GPR39: variants seen among roughly 807,000 people sequenced by gnomAD.
GPR39 encodes G protein-coupled receptor 39.
GPR39 carries 23 observed loss-of-function variants against 18.4 expected under a neutral mutation model. The ratio of observed to expected loss-of-function variants is 1.25; its 90% CI spans 0.90 to 1.77. GPR39 has a LOEUF of 1.77. Ranked by LOEUF, GPR39 falls within the 40% of genes most tolerant of loss-of-function variation. GPR39 has a pLI of 0.00. For synonymous variants in GPR39, 280 were observed against 257.9 expected (o/e 1.09, Z -0.82); for missense variants, 647 against 602.4 (o/e 1.07, Z -0.78).
At chr2:132,632,551 G>C (rs1440719961) in intron 1 of GPR39, among the ~76,000 whole-genome samples, 1 of 152,174 alleles carries the variant, frequency 6.6e-6, no homozygotes, top group Non-Finnish European at 1.5e-5. Context: ...GGCTGGGGCT[G>C]TGTGTTTCGG....
chr2:132,593,214 T>A (rs989498958), intron 1 of GPR39, among the ~76,000 whole-genome samples: 1 of 152,180 alleles, frequency 6.6e-6, no homozygotes, highest in Non-Finnish European at 1.5e-5. Flanking sequence ...TAAGCTTCAG[T>A]GGCCAGTGTT....
chr2:132,523,906 A>C (rs1679466574), intron 1 of GPR39: 1 of 152,794 alleles, frequency 6.5e-6, no homozygotes, highest in African/African-American at 2.4e-5. Context: ...AAGAGTTTGG[A>C]CTATGCTCAG....
intron 1 of GPR39, among the ~76,000 whole-genome samples, chr2:132,532,879 A>C (rs1234957208): frequency 6.6e-6 from 1 of 152,238 alleles, no homozygotes; most frequent in Non-Finnish European, 1.5e-5. Flanking sequence ...ACAAACCCAC[A>C]GCCAATGTCA....
chr2:132,578,829 C>T (rs1255456716), intron 1 of GPR39, among the ~76,000 whole-genome samples: 1 of 152,040 alleles, frequency 6.6e-6, no homozygotes, highest in Non-Finnish European at 1.5e-5. Flanking sequence ...TGTAGTAACA[C>T]TCCATGTTTC....
At chr2:132,479,706 T>C (rs564953503) in intron 1 of GPR39, among the ~76,000 whole-genome samples, 1 of 152,164 alleles carries the variant, frequency 6.6e-6, no homozygotes, top group Non-Finnish European at 1.5e-5. Flanking sequence ...AAATAGCAAG[T>C]GTTGGAGAGC....
intron 1 of GPR39, among the ~76,000 whole-genome samples, chr2:132,601,592 T>C (rs1273785140): frequency 6.6e-6 from 1 of 151,950 alleles, no homozygotes; most frequent in East Asian, 1.9e-4. Flanking sequence ...AGTAATTAGA[T>C]AAAAGAAAAA....
chr2:132,508,176 G>A (rs1314413371), intron 1 of GPR39, among the ~76,000 whole-genome samples: 1 of 152,082 alleles, frequency 6.6e-6, no homozygotes, highest in Non-Finnish European at 1.5e-5. Flanking sequence ...GGTCCACTTG[G>A]AATAATGAAG....
chr2:132,559,499 T>C (rs928567198), intron 1 of GPR39, among the ~76,000 whole-genome samples: 25 of 152,096 alleles, frequency 1.6e-4, no homozygotes, highest in African/African-American at 6.0e-4. Flanking sequence ...TACTGAGCAC[T>C]GACTTCACGT....
intron 1 of GPR39, among the ~76,000 whole-genome samples, chr2:132,543,621 G>A (rs1181300669): frequency 6.6e-6 from 1 of 152,188 alleles, no homozygotes; most frequent in African/African-American, 2.4e-5. Context: ...ATTTGTTTAA[G>A]TGCGTGTTAT....
intron 1 of GPR39, among the ~76,000 whole-genome samples, chr2:132,528,982 A>G (rs1679560105): frequency 6.6e-6 from 1 of 152,140 alleles, no homozygotes; most frequent in Non-Finnish European, 1.5e-5. Flanking sequence ...CAACTGAGGT[A>G]CCAGGTTCAT....
At chr2:132,567,828 G>A (rs949549841) in intron 1 of GPR39, among the ~76,000 whole-genome samples, 11 of 152,004 alleles carry the variant, frequency 7.2e-5, no homozygotes, top group Non-Finnish European at 1.6e-4. Context: ...TTTCCTGTGC[G>A]GTTCTCATGA....
chr2:132,418,031 G>A, intron 1 of GPR39, 133 bp downstream of exon 1: 2 of 1,144,450 alleles, frequency 1.7e-6, no homozygotes, highest in South Asian at 3.2e-5. Context: ...AGGTGGAAGA[G>A]TCTTGTAGCA....
chr2:132,562,256 C>T (rs766861588), intron 1 of GPR39, among the ~76,000 whole-genome samples: 1 of 152,126 alleles, frequency 6.6e-6, no homozygotes, highest in Non-Finnish European at 1.5e-5. Context: ...CACACTGCCA[C>T]CAAAGTGGTT....
At chr2:132,527,077 T>C (rs1679527550) in intron 1 of GPR39, among the ~76,000 whole-genome samples, 1 of 152,132 alleles carries the variant, frequency 6.6e-6, no homozygotes, top group Admixed American at 6.5e-5. Context: ...GATTAGGTAT[T>C]TGTCCTAATG....
chr2:132,506,808 A>G (rs748845858), intron 1 of GPR39, among the ~76,000 whole-genome samples: 4 of 152,206 alleles, frequency 2.6e-5, no homozygotes, highest in Non-Finnish European at 5.9e-5. Flanking sequence ...GGGTAGGGAC[A>G]CAGCCAAACC....
At chr2:132,525,480 C>T (rs1210186201) in intron 1 of GPR39, among the ~76,000 whole-genome samples, 11 of 152,202 alleles carry the variant, frequency 7.2e-5, no homozygotes, top group African/African-American at 1.9e-4. Context: ...GATGCATGCA[C>T]GTATCTCAAC....
intron 1 of GPR39, chr2:132,433,641 C>T (rs1194486926): frequency 6.6e-6 from 1 of 150,420 alleles, no homozygotes; most frequent in Non-Finnish European, 1.5e-5. Context: ...TGCAGTTGCC[C>T]TCCATTTCAA....
intron 1 of GPR39, among the ~76,000 whole-genome samples, chr2:132,519,169 G>A (rs1204124350): frequency 6.6e-6 from 1 of 152,014 alleles, no homozygotes; most frequent in Non-Finnish European, 1.5e-5. Context: ...TTGGCTTATG[G>A]TCCCTGTCAC....
chr2:132,518,949 G>A (rs1306913592), intron 1 of GPR39, among the ~76,000 whole-genome samples: 2 of 152,154 alleles, frequency 1.3e-5, no homozygotes, highest in Admixed American at 6.5e-5. Context: ...GCTTCCACAT[G>A]GCACAGGATG....
Sources: gnomAD v4.1 joint callset for allele counts (sites outside exome capture counted in the v4.1 genomes callset) on GRCh38, gnomAD v4.1.1 for gene constraint, MANE v1.5 for transcripts, NCBI Gene and HGNC (gene_info 2026-07-23, HGNC 2026-07-21) for gene names.